KLHL29: variants seen among roughly 807,000 people sequenced by gnomAD.
KLHL29 encodes the protein kelch-like protein 29.
In KLHL29, 21 loss-of-function variants were observed where a neutral mutation model predicts 80.4. That is an observed-to-expected ratio of 0.26 (90% CI 0.19 to 0.38). The LOEUF is 0.38. Ranked by LOEUF, KLHL29 falls within the 10% of genes least tolerant of loss-of-function variation. The pLI is 1.00. For synonymous variants in KLHL29, 511 were observed against 526.8 expected (o/e 0.97, Z 0.41); for missense variants, 867 against 1,223.9 (o/e 0.71, Z 4.35).
intron 2 of KLHL29, among the ~76,000 whole-genome samples, chr2:23,513,962 AC>A (rs1234497339): frequency 3.9e-5 from 6 of 152,212 alleles, no homozygotes; most frequent in Admixed American, 1.3e-4. Context: ...CTGCTTGAAA[AC>A]AAGAATAACC....
chr2:23,560,797 T>TA lies in KLHL29; in HGVS notation c.-45-1354dup, dbSNP rs1179659898. On this transcript the variant is annotated intron_variant, in intron 2 of 13. Transcript: ENST00000486442. Reference sequence around the variant, plus strand: ...GGCCAGCATGCAAGTAGAACATGGGTAGGAGGCTGCTTGGGTTGGGCACAG... The same window carrying TA: ...GGCCAGCATGCAAGTAGAACATGGGTAAGGAGGCTGCTTGGGTTGGGCACAG... Among the ~76,000 whole-genome samples, 3 of 152,108 alleles carry TA rather than the reference T, an allele frequency of 2.0e-5. No homozygotes were observed. In the East Asian group the frequency reaches 5.8e-4, roughly 29 times the overall value.
chr2:23,568,045 A>G (rs982565346), intron 3 of KLHL29, among the ~76,000 whole-genome samples: 1 of 152,246 alleles, frequency 6.6e-6, no homozygotes, highest in African/African-American at 2.4e-5. Flanking sequence ...AAGTGTGTAC[A>G]AAATTGAAAA....
intron 7 of KLHL29, among the ~76,000 whole-genome samples, chr2:23,692,976 G>A (rs1208997302): frequency 6.6e-6 from 1 of 152,188 alleles, no homozygotes; most frequent in Non-Finnish European, 1.5e-5. Flanking sequence ...CCCAGGCCCA[G>A]GCTCTGAGCA....
intron 1 of KLHL29, among the ~76,000 whole-genome samples, chr2:23,398,547 A>T (rs1011334861): frequency 2.6e-5 from 4 of 152,248 alleles, no homozygotes; most frequent in Non-Finnish European, 5.9e-5. Flanking sequence ...AGGTTGCAAA[A>T]CAATATGCAT....
intron 1 of KLHL29, among the ~76,000 whole-genome samples, chr2:23,474,891 G>A (rs1053601946): frequency 4.6e-5 from 7 of 152,032 alleles, no homozygotes; most frequent in African/African-American, 1.7e-4. Context: ...AGTGGGGGAT[G>A]CCATTTCCCG....
At chr2:23,623,712 T>A (rs951262527) in intron 3 of KLHL29, among the ~76,000 whole-genome samples, 2 of 152,116 alleles carry the variant, frequency 1.3e-5, no homozygotes, top group Non-Finnish European at 2.9e-5. Context: ...TGGGCTCAGT[T>A]ATGTAAGTAG....
intron 1 of KLHL29, among the ~76,000 whole-genome samples, chr2:23,439,507 TG>T (rs1663448188): frequency 6.6e-6 from 1 of 151,256 alleles, no homozygotes; most frequent in South Asian, 2.1e-4. Flanking sequence ...TCTGGTATGT[TG>T]TGTCTTTGTT....
At chr2:23,557,813 G>A (rs572762809) in intron 2 of KLHL29, among the ~76,000 whole-genome samples, 2 of 152,272 alleles carry the variant, frequency 1.3e-5, no homozygotes, top group South Asian at 4.1e-4. Context: ...GTGAGGTTGT[G>A]TTGTTTTGTA....
chr2:23,614,014 A>ACCCT (rs1668939767), intron 3 of KLHL29, among the ~76,000 whole-genome samples: 3 of 152,184 alleles, frequency 2.0e-5, no homozygotes, highest in Non-Finnish European at 4.4e-5. Flanking sequence ...TTCCTTGTGG[A>ACCCT]CAAAGGACAG....
At chr2:23,488,254 A>G (rs757140471) in intron 2 of KLHL29, among the ~76,000 whole-genome samples, 1 of 152,188 alleles carries the variant, frequency 6.6e-6, no homozygotes, top group Non-Finnish European at 1.5e-5. Context: ...TTTTGCTGAC[A>G]ATCTCCACCT....
At chr2:23,663,267 GCTTAT>G (rs1241227276) in intron 5 of KLHL29, among the ~76,000 whole-genome samples, 2 of 152,252 alleles carry the variant, frequency 1.3e-5, no homozygotes, top group Non-Finnish European at 2.9e-5. Context: ...CCAGAAGTGT[GCTTAT>G]CTTGAGTTTA....
At position 23,518,188 on chromosome 2, in the gene KLHL29, C is replaced by T. The variant is rs567807237; in HGVS notation, c.-46+42521C>T. ...TCAGCCCCTCCGTGGGGACCCAGCCCGGAGGGAACCTGAGACTTGGCCTAT... is the reference window on the plus strand; with the variant it reads ...TCAGCCCCTCCGTGGGGACCCAGCCTGGAGGGAACCTGAGACTTGGCCTAT... On this transcript the variant is annotated intron_variant, in intron 2 of 13. Coordinates refer to ENST00000486442, the MANE Select transcript of KLHL29 (RefSeq NM_052920.2). 1.2e-3 allele frequency among the ~76,000 whole-genome samples: 189 copies of T among 152,316 alleles called. 1 individual carries two copies. Among genetic ancestry groups the T allele is most frequent in the African/African-American group, 3.4e-3 (142 of 41,566 alleles).
At chr2:23,398,456 A>T (rs1038132979) in intron 1 of KLHL29, among the ~76,000 whole-genome samples, 5 of 152,186 alleles carry the variant, frequency 3.3e-5, no homozygotes, top group Non-Finnish European at 7.3e-5. Flanking sequence ...TTGCCAGGGG[A>T]TGTGGGGAGA....
chr2:23,659,675 C>T (rs1380721423), intron 5 of KLHL29, among the ~76,000 whole-genome samples: 1 of 152,104 alleles, frequency 6.6e-6, no homozygotes, highest in East Asian at 1.9e-4. Context: ...AGGAGGTGCC[C>T]TCACTCATAC....
At chr2:23,622,741 A>C (rs1410851716) in intron 3 of KLHL29, among the ~76,000 whole-genome samples, 1 of 152,240 alleles carries the variant, frequency 6.6e-6, no homozygotes, top group Non-Finnish European at 1.5e-5. Flanking sequence ...GACGCCAGCC[A>C]TCTGCATGGG....
intron 1 of KLHL29, among the ~76,000 whole-genome samples, chr2:23,410,688 C>G (rs530484661): frequency 6.6e-6 from 1 of 152,044 alleles, no homozygotes; most frequent in African/African-American, 2.4e-5. Flanking sequence ...CTGCTTGTGA[C>G]GACACTCTGA....
At chr2:23,504,881 C>T (rs937749546) in intron 2 of KLHL29, among the ~76,000 whole-genome samples, 1 of 152,210 alleles carries the variant, frequency 6.6e-6, no homozygotes, top group African/African-American at 2.4e-5. Context: ...CTCCTCAAAC[C>T]ACCAAGCTCA....
chr2:23,575,124 G>A (rs893106253), intron 3 of KLHL29, among the ~76,000 whole-genome samples: 1 of 152,204 alleles, frequency 6.6e-6, no homozygotes, highest in East Asian at 1.9e-4. Flanking sequence ...GGAGCTGCCT[G>A]GCCGGCCGCA....
intron 2 of KLHL29, among the ~76,000 whole-genome samples, chr2:23,508,745 G>T (rs1665678298): frequency 6.6e-6 from 1 of 152,224 alleles, no homozygotes; most frequent in South Asian, 2.1e-4. Context: ...CCCACACTGG[G>T]TTCCCACAAC....
Sources: allele counts gnomAD v4.1 joint callset (sites outside exome capture counted in the v4.1 genomes callset), GRCh38; gene constraint gnomAD v4.1.1; transcripts MANE v1.5; gene names NCBI Gene and HGNC (gene_info 2026-07-23, HGNC 2026-07-21).